The following EXOC6B variants were observed in gnomAD, a reference collection of about 807,000 sequenced individuals.
EXOC6B encodes SEC15 homolog B.
In EXOC6B, 54 loss-of-function variants were observed where a neutral mutation model predicts 113.5. The observed-to-expected ratio is 0.48, with a 90% CI of 0.38 to 0.60. EXOC6B has a LOEUF of 0.60. Ranked by LOEUF, EXOC6B falls within the 20% of genes least tolerant of loss-of-function variation. The pLI is 0.00. For missense variants in EXOC6B, 797 were observed against 977.5 expected (o/e 0.82, Z 2.46); for synonymous variants, 357 against 339.0 (o/e 1.05, Z -0.58).
intron 6 of EXOC6B, among the ~76,000 whole-genome samples, chr2:72,638,116 C>G (rs1489716001): frequency 1.3e-5 from 2 of 151,926 alleles, no homozygotes; most frequent in Admixed American, 1.3e-4. Context: ...TTTAGCCTGA[C>G]TAAGAAAAAC....
intron 20 of EXOC6B, among the ~76,000 whole-genome samples, chr2:72,253,067 C>T (rs915282058): frequency 6.6e-6 from 1 of 152,108 alleles, no homozygotes; most frequent in Admixed American, 6.6e-5. Context: ...CAAAAGAAGA[C>T]ATACATGTGG....
At chr2:72,726,468 T>G (rs1573697458) in intron 5 of EXOC6B, among the ~76,000 whole-genome samples, 1 of 152,142 alleles carries the variant, frequency 6.6e-6, no homozygotes, top group East Asian at 1.9e-4. Flanking sequence ...ACAAGAAATA[T>G]TAAAGGTTGT....
intron 6 of EXOC6B, among the ~76,000 whole-genome samples, chr2:72,623,647 T>C (rs1671877011): frequency 6.6e-6 from 1 of 152,196 alleles, no homozygotes; most frequent in African/African-American, 2.4e-5. Flanking sequence ...TCTGCTCCCA[T>C]AATGTTTCAG....
intron 20 of EXOC6B, among the ~76,000 whole-genome samples, chr2:72,289,356 C>G (rs1247142518): frequency 2.0e-5 from 3 of 152,108 alleles, no homozygotes; most frequent in Admixed American, 2.0e-4. Context: ...AAAATGTTTA[C>G]TTGAAAATGT....
chr2:72,670,168 G>C (rs941291140), intron 6 of EXOC6B, among the ~76,000 whole-genome samples: 1 of 152,096 alleles, frequency 6.6e-6, no homozygotes, highest in African/African-American at 2.4e-5. Flanking sequence ...CTGTAAACAA[G>C]TATCCAACTA....
At chr2:72,338,743 T>C (rs1688846390) in intron 19 of EXOC6B, among the ~76,000 whole-genome samples, 1 of 152,010 alleles carries the variant, frequency 6.6e-6, no homozygotes. Flanking sequence ...ATATAAAATA[T>C]AATACGCACA....
At chr2:72,313,942 G>A (rs1255128712) in intron 20 of EXOC6B, among the ~76,000 whole-genome samples, 1 of 152,124 alleles carries the variant, frequency 6.6e-6, no homozygotes, top group Non-Finnish European at 1.5e-5. Flanking sequence ...CCCTGTAAAA[G>A]CAGTGGGAGA....
At chr2:72,479,286 T>C (rs963873222) in intron 17 of EXOC6B, among the ~76,000 whole-genome samples, 3 of 152,222 alleles carry the variant, frequency 2.0e-5, no homozygotes, top group African/African-American at 4.8e-5. Flanking sequence ...GAATACTTTC[T>C]GATTCAACAT....
Position 72,826,015 on chromosome 2 carries a change from T to C in EXOC6B, c.-105A>G. ...CAGGCTCCACAGCCGCCCCAGCCTCTGGCTACCCGCAGGCCGACCCCTCCC... is the reference window on the plus strand; with the variant it reads ...CAGGCTCCACAGCCGCCCCAGCCTCCGGCTACCCGCAGGCCGACCCCTCCC... On this transcript the variant is annotated 5_prime_UTR_variant, in exon 1 of 22. Transcript: ENST00000272427. The C allele has an allele frequency of 1.3e-6, 2 of 1,493,278 alleles. No individual in the cohort carries two copies. The highest frequency in any genetic ancestry group is 2.5e-5 in the East Asian group (1 of 40,312). The allele number at this position is 1,493,278 out of a possible 1,614,324, so 92.5% of individuals were successfully genotyped here.
chr2:72,555,441 C>T (rs1053511842), intron 8 of EXOC6B, among the ~76,000 whole-genome samples: 1 of 152,122 alleles, frequency 6.6e-6, no homozygotes, highest in African/African-American at 2.4e-5. Context: ...TTTTAATGAT[C>T]ACCATTCTAA....
At chr2:72,268,607 T>C (rs1227701015) in intron 20 of EXOC6B, among the ~76,000 whole-genome samples, 3 of 152,166 alleles carry the variant, frequency 2.0e-5, no homozygotes, top group African/African-American at 7.2e-5. Flanking sequence ...GAATCTCATA[T>C]TGAAATGTGA....
At chr2:72,599,211 C>A (rs950317958) in intron 6 of EXOC6B, among the ~76,000 whole-genome samples, 1 of 151,982 alleles carries the variant, frequency 6.6e-6, no homozygotes, top group Non-Finnish European at 1.5e-5. Context: ...AACATCACAA[C>A]AAGTAAGGCT....
intron 19 of EXOC6B, among the ~76,000 whole-genome samples, chr2:72,365,500 G>A (rs1690564750): frequency 6.6e-6 from 1 of 152,164 alleles, no homozygotes; most frequent in South Asian, 2.1e-4. Context: ...CTTCCAGGAT[G>A]TGCTATAAAG....
chr2:72,700,206 G>A (rs1678210807), intron 6 of EXOC6B, among the ~76,000 whole-genome samples: 1 of 147,064 alleles, frequency 6.8e-6, no homozygotes, highest in African/African-American at 2.6e-5. Context: ...TGGAGGGATG[G>A]CTGCATCCTG....
rs141778855 is a variant in EXOC6B, at chr2:72,320,205, A to C, written c.2196+14742T>G. On this transcript the variant is annotated intron_variant, in intron 20 of 21. Transcript: ENST00000272427. ...TATATTTATATATATTTACATATAT[A>C]TTTTTATATATTTACATATACAGTT... Among the ~76,000 whole-genome samples, 720 of 148,924 alleles carry C rather than the reference A, an allele frequency of 4.8e-3. 9 individuals carry two copies. The highest frequency in any genetic ancestry group is 0.016 in the African/African-American group (663 of 41,030).
chr2:72,706,496 C>G (rs979010055), intron 6 of EXOC6B, among the ~76,000 whole-genome samples: 1 of 152,142 alleles, frequency 6.6e-6, no homozygotes, highest in African/African-American at 2.4e-5. Context: ...CTCAGCCTTC[C>G]AAGTAGCTGG....
intron 6 of EXOC6B, among the ~76,000 whole-genome samples, chr2:72,589,958 C>T (rs562941511): frequency 6.6e-6 from 1 of 152,058 alleles, no homozygotes; most frequent in South Asian, 2.1e-4. Context: ...GGGCAGTACT[C>T]CAAGCTGCCC....
At chr2:72,327,522 C>G (rs760540563) in intron 20 of EXOC6B, among the ~76,000 whole-genome samples, 2 of 151,998 alleles carry the variant, frequency 1.3e-5, no homozygotes, top group Non-Finnish European at 2.9e-5. Context: ...TAGAAAATGG[C>G]CTTCCAAACA....
At chr2:72,602,460 C>T (rs1451348284) in intron 6 of EXOC6B, among the ~76,000 whole-genome samples, 1 of 152,106 alleles carries the variant, frequency 6.6e-6, no homozygotes, top group Non-Finnish European at 1.5e-5. Flanking sequence ...TATTCTCTCA[C>T]CAATAGAATA....
Sources: allele counts gnomAD v4.1 joint callset (sites outside exome capture counted in the v4.1 genomes callset), GRCh38; gene constraint gnomAD v4.1.1; transcripts MANE v1.5; gene names NCBI Gene and HGNC (gene_info 2026-07-23, HGNC 2026-07-21).